The following ADAMTS6 variants were observed in gnomAD, a reference collection of about 807,000 sequenced individuals.
The protein encoded by ADAMTS6 is ADAM metallopeptidase with thrombospondin type 1 motif 6.
Under a neutral mutation model 144.3 loss-of-function variants are expected in ADAMTS6, and 23 were observed. That is an observed-to-expected ratio of 0.16 (90% confidence interval 0.11 to 0.23). The LOEUF is 0.23. ADAMTS6 is among the 10% of genes least tolerant of loss of function. The pLI, the probability that ADAMTS6 is intolerant of heterozygous loss-of-function variation, is 1.00. For synonymous variants in ADAMTS6, 444 were observed against 457.5 expected (o/e 0.97, Z 0.38); for missense variants, 999 against 1,379.6 (o/e 0.72, Z 4.37).
chr5:65,424,890 C>T (rs1462423928), intron 7 of ADAMTS6, among the ~76,000 whole-genome samples: 2 of 152,158 alleles, frequency 1.3e-5, no homozygotes, highest in South Asian at 2.1e-4. Flanking sequence ...TTCTTAACAG[C>T]CTAGGACTTT....
chr5:65,265,992 G>GT (rs1009250852), intron 12 of ADAMTS6, among the ~76,000 whole-genome samples: 46 of 148,360 alleles, frequency 3.1e-4, no homozygotes, highest in Non-Finnish European at 4.5e-4. Context: ...TAATACTAGA[G>GT]TTTTTTTTTT....
chr5:65,170,228 C>T (rs1753531625), intron 24 of ADAMTS6, among the ~76,000 whole-genome samples: 1 of 152,116 alleles, frequency 6.6e-6, no homozygotes, highest in African/African-American at 2.4e-5. Context: ...TTTAAATCTT[C>T]AGAATGATAG....
At chr5:65,270,178 A>G (rs1274045149) in intron 12 of ADAMTS6, among the ~76,000 whole-genome samples, 1 of 152,146 alleles carries the variant, frequency 6.6e-6, no homozygotes, top group African/African-American at 2.4e-5. Flanking sequence ...ATACAAACTA[A>G]CCACAGAAAG....
chr5:65,299,816 GAA>G (rs3832321), intron 10 of ADAMTS6, among the ~76,000 whole-genome samples, 167 bp downstream of exon 10: 13 of 151,138 alleles, frequency 8.6e-5, no homozygotes, highest in Non-Finnish European at 1.9e-4. Flanking sequence ...TCTATATGAA[GAA>G]AAAAAAATTG....
At chr5:65,234,878 T>C (rs779514859) in intron 15 of ADAMTS6, among the ~76,000 whole-genome samples, 1 of 152,204 alleles carries the variant, frequency 6.6e-6, no homozygotes, top group Non-Finnish European at 1.5e-5. Flanking sequence ...AACAGATGAA[T>C]GGATAAGAAA....
chr5:65,462,994 C>T (rs1440987199), intron 3 of ADAMTS6, among the ~76,000 whole-genome samples: 2 of 151,576 alleles, frequency 1.3e-5, no homozygotes, highest in Admixed American at 1.3e-4. Flanking sequence ...GAAGGAGAAT[C>T]ACTCGAACCT....
intron 15 of ADAMTS6, among the ~76,000 whole-genome samples, chr5:65,230,037 C>T (rs995280531): frequency 4.6e-5 from 7 of 151,818 alleles, no homozygotes; most frequent in Admixed American, 3.3e-4. Context: ...AAGGGAACTC[C>T]ATAGGTCTAT....
Position 65,349,738 on chromosome 5 carries a change from C to T in ADAMTS6, c.1074-15653G>A, listed in dbSNP as rs575706270. Reference sequence around the variant, plus strand: ...GAAATGGTGGTGGGCACCTGTAATCCCAGCTACTTGGGAGGCTGAGACAAG... The same window carrying T: ...GAAATGGTGGTGGGCACCTGTAATCTCAGCTACTTGGGAGGCTGAGACAAG... On this transcript the variant is annotated intron_variant, in intron 7 of 24. Transcript: ENST00000381055. Among the ~76,000 whole-genome samples, 43 of 151,964 alleles carry T rather than the reference C, an allele frequency of 2.8e-4. No homozygotes were observed. In the South Asian group the frequency reaches 8.8e-3, roughly 31 times the overall value.
At chr5:65,351,596 G>T (rs188764154) in intron 7 of ADAMTS6, among the ~76,000 whole-genome samples, 1 of 152,174 alleles carries the variant, frequency 6.6e-6, no homozygotes, top group East Asian at 1.9e-4. Flanking sequence ...ATTATATGTG[G>T]AGCTATGCCA....
At chr5:65,300,636 TTC>T (rs1743269816) in intron 9 of ADAMTS6, among the ~76,000 whole-genome samples, 1 of 151,240 alleles carries the variant, frequency 6.6e-6, no homozygotes, top group African/African-American at 2.5e-5. Context: ...TTCTTTTTCT[TTC>T]TTTTTTTTTT....
rs535274618 is a variant in ADAMTS6 at position 65,386,744 on chromosome 5, C to T, written c.1074-52659G>A. Among the ~76,000 whole-genome samples the T allele has an allele frequency of 3.1e-3, 468 of 152,202 alleles. 2 individuals carry two copies. Among genetic ancestry groups the T allele is most frequent in the African/African-American group, 0.01 (430 of 41,550 alleles). ...CTGGAATTATAGGTGCCCACCACCA[C>T]ACCCACTAATTTTTGTATTTTTAGT... On this transcript the variant is annotated intron_variant, in intron 7 of 24. Coordinates refer to ENST00000381055, the MANE Select transcript of ADAMTS6 (RefSeq NM_197941.4).
At chr5:65,228,174 C>G (rs1213802287) in intron 15 of ADAMTS6, among the ~76,000 whole-genome samples, 1 of 151,878 alleles carries the variant, frequency 6.6e-6, no homozygotes, top group Non-Finnish European at 1.5e-5. Flanking sequence ...TCATTATTAC[C>G]CAATACAGTT....
At chr5:65,245,754 T>C (rs895364416) in intron 14 of ADAMTS6, among the ~76,000 whole-genome samples, 15 of 152,166 alleles carry the variant, frequency 9.9e-5, no homozygotes, top group Non-Finnish European at 1.8e-4. Context: ...TTGCAGGCCA[T>C]GTGTCTCTGT....
chr5:65,156,779 G>A (rs994986692), intron 24 of ADAMTS6, among the ~76,000 whole-genome samples: 1 of 152,148 alleles, frequency 6.6e-6, no homozygotes, highest in Non-Finnish European at 1.5e-5. Flanking sequence ...AGATGAAGGA[G>A]GCTTATTTTC....
At chr5:65,206,252 A>G (rs1756075230) in intron 20 of ADAMTS6, among the ~76,000 whole-genome samples, 1 of 152,228 alleles carries the variant, frequency 6.6e-6, no homozygotes, top group South Asian at 2.1e-4. Context: ...CTTTGTAATG[A>G]TTTGTATGCT....
chr5:65,451,634 T>A lies in ADAMTS6; in HGVS notation c.928-14A>T. The A allele has an allele frequency of 6.2e-7, 1 of 1,611,678 alleles. No homozygotes were observed. Among genetic ancestry groups the A allele is most frequent in the South Asian group, 1.1e-5 (1 of 90,688 alleles). On this transcript the variant is annotated splice_polypyrimidine_tract_variant and intron_variant, in intron 6 of 24. Coordinates refer to ENST00000381055, the MANE Select transcript of ADAMTS6 (RefSeq NM_197941.4). ...CTCCAAGTTTGGCTGCAATACAACA[T>A]GCATACCAGAAATGTTCCAAACAAA...
intron 24 of ADAMTS6, among the ~76,000 whole-genome samples, chr5:65,158,859 AC>A (rs1752582526): frequency 6.6e-6 from 1 of 152,044 alleles, no homozygotes; most frequent in Non-Finnish European, 1.5e-5. Context: ...ATTTTTTGAA[AC>A]CCTGCTTCTG....
At chr5:65,396,621 C>T (rs1165719088) in intron 7 of ADAMTS6, among the ~76,000 whole-genome samples, 1 of 152,190 alleles carries the variant, frequency 6.6e-6, no homozygotes, top group Non-Finnish European at 1.5e-5. Flanking sequence ...AAAATTCAGT[C>T]TTCACTGATT....
chr5:65,219,092 G>A (rs1757128251), intron 18 of ADAMTS6, among the ~76,000 whole-genome samples: 1 of 151,952 alleles, frequency 6.6e-6, no homozygotes, highest in African/African-American at 2.4e-5. Context: ...AAAACACACA[G>A]GACAAACAGA....
Sources: allele counts gnomAD v4.1 joint callset (sites outside exome capture counted in the v4.1 genomes callset), GRCh38; gene constraint gnomAD v4.1.1; transcripts MANE v1.5; gene names NCBI Gene and HGNC (gene_info 2026-07-23, HGNC 2026-07-21).